ANKRD26: variants seen among roughly 807,000 people sequenced by gnomAD.
ANKRD26 encodes ankyrin repeat domain 26.
Under a neutral mutation model 208.7 loss-of-function variants are expected in ANKRD26, and 141 were observed. That is an observed-to-expected ratio of 0.68 (90% CI 0.59 to 0.78). The LOEUF is 0.78. ANKRD26 is among the 30% of genes least tolerant of loss of function. ANKRD26 has a pLI of 0.00. For synonymous variants in ANKRD26, 636 were observed against 660.4 expected (o/e 0.96, Z 0.57); for missense variants, 1,889 against 1,938.7 (o/e 0.97, Z 0.48).
chr10:27,018,141 A>ATTTTTTTTTTTTTTTTT (rs11346457), intron 29 of ANKRD26, among the ~76,000 whole-genome samples: 4 of 131,160 alleles, frequency 3.0e-5, no homozygotes, highest in African/African-American at 8.7e-5. Context: ...ATGCCCTATA[A>ATTTTTTTTTTTTTTTTT]TTTTTTTTTT....
downstream of ANKRD26, among the ~76,000 whole-genome samples, chr10:26,969,618 C>G (rs899930013): frequency 4.6e-5 from 7 of 152,284 alleles, no homozygotes; most frequent in African/African-American, 1.7e-4. Context: ...TTCCAAGTCA[C>G]TAATTCCAAA....
rs953371049 is a variant in ANKRD26 at position 26,985,119 on chromosome 10, T to C, written c.490-2306A>G. On this transcript the variant is annotated intron_variant and NMD_transcript_variant, in intron 3 of 5. Coordinates refer to the ANKRD26 transcript ENST00000674670. ...AGACACGTAGATAGTTACTAAAACA[T>C]ACTTTTAAACTGGAGATAATGGCAG... Among the ~76,000 whole-genome samples, 19 of 152,158 alleles carry C rather than the reference T, an allele frequency of 1.2e-4. No homozygotes were observed. The East Asian group carries it at 3.7e-3, about 29-fold the overall frequency.
chr10:27,023,428 GT>G (rs760729898), intron 28 of ANKRD26, among the ~76,000 whole-genome samples: 2 of 150,498 alleles, frequency 1.3e-5, no homozygotes, highest in Non-Finnish European at 3.0e-5. Flanking sequence ...GTTGACCACT[GT>G]TTATAAGAAG....
chr10:27,022,081 C>T (rs942617715), intron 29 of ANKRD26, among the ~76,000 whole-genome samples: 2 of 152,122 alleles, frequency 1.3e-5, no homozygotes, highest in Non-Finnish European at 2.9e-5. Context: ...GTTGCAATTG[C>T]TTTTGGTGTC....
chr10:27,005,325 T>C lies in ANKRD26; in HGVS notation c.*265A>G. The C allele has an allele frequency of 8.7e-7, 1 of 1,147,686 alleles. No individual in the cohort carries two copies. Among genetic ancestry groups the C allele is most frequent in the Non-Finnish European group, 1.1e-6 (1 of 929,700 alleles). 71.1% of individuals were successfully genotyped at this position (1,147,686 alleles called of 1,614,324 possible). ...GCCATCAATTAACTGCACTAAAGTATTAATGACAACTTAGTGGTTTGGCTG... is the reference window on the plus strand; with the variant it reads ...GCCATCAATTAACTGCACTAAAGTACTAATGACAACTTAGTGGTTTGGCTG... On this transcript the variant is annotated 3_prime_UTR_variant, in exon 34 of 34. Transcript: ENST00000376087.
downstream of ANKRD26, among the ~76,000 whole-genome samples, chr10:26,990,506 G>C (rs1388536393): frequency 1.3e-5 from 2 of 152,194 alleles, no homozygotes; most frequent in Non-Finnish European, 2.9e-5. Flanking sequence ...ACCTGGCACA[G>C]TGTGTCAAGG....
intron 4 of ANKRD26, among the ~76,000 whole-genome samples, chr10:27,088,719 G>A (rs947022714): frequency 6.6e-6 from 1 of 152,124 alleles, no homozygotes; most frequent in Non-Finnish European, 1.5e-5. Context: ...AATGTAAAGG[G>A]GCTTTGGAGT....
chr10:27,012,761 A>C (rs752424161), intron 32 of ANKRD26, 121 bp downstream of exon 32: 8 of 924,614 alleles, frequency 8.7e-6, no homozygotes, highest in Non-Finnish European at 1.3e-5. Flanking sequence ...GCAGTGAGCC[A>C]AGATGGCACC....
chr10:27,077,295 A>G, intron 9 of ANKRD26, 43 bp downstream of exon 9: 1 of 1,470,304 alleles, frequency 6.8e-7, no homozygotes, highest in African/African-American at 1.4e-5. Context: ...TTGTTGGGGC[A>G]GGGGAAGGGT....
intron 4 of ANKRD26, among the ~76,000 whole-genome samples, chr10:27,090,288 A>G (rs866266616): frequency 1.3e-5 from 2 of 152,124 alleles, no homozygotes; most frequent in East Asian, 3.9e-4. Flanking sequence ...TCTACTAAAA[A>G]TACAAAAATT....
Position 27,065,550 on chromosome 10 carries a change from TTTA to T in ANKRD26, c.1269+934_1269+936del, listed in dbSNP as rs760362481. Among the ~76,000 whole-genome samples, 4 of 152,198 alleles carry T rather than the reference TTTA, an allele frequency of 2.6e-5. No individual in the cohort carries two copies. The South Asian group carries it at 8.3e-4, about 32-fold the overall frequency. ...ACGTTTACAAAAAGTACCCTGAATATTTATTGTCACTGGAAATGATTTTGAAAA... is the reference window on the plus strand; with the variant it reads ...ACGTTTACAAAAAGTACCCTGAATATTTGTCACTGGAAATGATTTTGAAAA... On this transcript the variant is annotated intron_variant, in intron 11 of 33. Transcript: ENST00000376087.
At chr10:27,067,111 T>C (rs765015189) in intron 10 of ANKRD26, 46 bp downstream of exon 10, 11 of 1,599,566 alleles carry the variant, frequency 6.9e-6, no homozygotes, top group Non-Finnish European at 8.5e-6. Flanking sequence ...GACCCCAGAA[T>C]AGAACTTAAG....
At chr10:26,992,509 G>C (rs34232442) in intron 5 of ANKRD26, among the ~76,000 whole-genome samples, 64,712 of 134,990 alleles carry the variant, frequency 0.48, 15,960 homozygotes, top group Non-Finnish European at 0.59. Context: ...CACACACACA[G>C]AGAGAAAAAG....
chr10:27,079,246 G>A (rs564493313), intron 6 of ANKRD26, 85 bp from the exon 7 acceptor site: 1 of 1,181,894 alleles, frequency 8.5e-7, no homozygotes, highest in South Asian at 1.3e-5. Context: ...CAATCTGGAT[G>A]CCCCCTCCAA....
chr10:27,073,418 C>T (rs1284745363), intron 9 of ANKRD26, among the ~76,000 whole-genome samples: 1 of 152,118 alleles, frequency 6.6e-6, no homozygotes, highest in South Asian at 2.1e-4. Flanking sequence ...GACCACAATC[C>T]CTCTCTATAT....
At position 27,035,064 on chromosome 10, in the gene ANKRD26, T is replaced by C. The variant is rs368121682; in HGVS notation, c.3386A>G (p.Gln1129Arg). Residue 1129 changes from glutamine (Q) to arginine (R), a missense_variant, in exon 24 of 34, where the codon CAG (glutamine) becomes CGG (arginine). Gln to Arg is a conservative substitution (Grantham distance 43, BLOSUM62 1). This residue lies in a region of ANKRD26 where 613 missense variants were observed against 648.2 expected (regional missense o/e 0.95). Transcript: ENST00000376087. ...QVKVNKYIGK[Q>R]ESVEERLSQL... Reference sequence around the variant, plus strand: ...AGACAATCTCTCCTCTACAGACTCCTGCTTTCCAATGTATTTATTCACTTT... The same window carrying C: ...AGACAATCTCTCCTCTACAGACTCCCGCTTTCCAATGTATTTATTCACTTT... 2 of 1,613,342 alleles carry C rather than the reference T, an allele frequency of 1.2e-6. No homozygotes were observed. The highest frequency in any genetic ancestry group is 1.7e-6 in the Non-Finnish European group (2 of 1,179,834).
At chr10:27,077,128 C>G (rs2055727521) in intron 9 of ANKRD26, 3 of 581,630 alleles carry the variant, frequency 5.2e-6, no homozygotes, top group Non-Finnish European at 9.1e-6. Context: ...AATCCAACAG[C>G]ACATCACAAA....
intron 6 of ANKRD26, chr10:27,080,798 T>C (rs1004328451): frequency 2.0e-6 from 2 of 985,504 alleles, no homozygotes; most frequent in African/African-American, 3.5e-5. Context: ...ATGGAGTCTC[T>C]GTCATCTGCC....
At chr10:27,022,501 G>C (rs1162527611) in intron 29 of ANKRD26, 57 bp downstream of exon 29, 1 of 1,319,668 alleles carries the variant, frequency 7.6e-7, no homozygotes, top group Non-Finnish European at 1.1e-6. Flanking sequence ...GCATTGAGAA[G>C]TCTATATTTC....
Sources: gnomAD v4.1 joint callset for allele counts (sites outside exome capture counted in the v4.1 genomes callset) on GRCh38, gnomAD v4.1.1 for gene constraint, gnomAD v4.1.1 regional missense constraint, MANE v1.5 for transcripts, NCBI Gene and HGNC (gene_info 2026-07-23, HGNC 2026-07-21) for gene names.